Variants in KLHL36 observed in about 807,000 individuals in gnomAD.
KLHL36 encodes the protein kelch like family member 36, also known as kelch-like protein 36.
In KLHL36, 35 loss-of-function variants were observed where a neutral mutation model predicts 53.3. The ratio of observed to expected loss-of-function variants is 0.66; its 90% CI spans 0.50 to 0.87. KLHL36 has a LOEUF of 0.87. Among genes scored for constraint, KLHL36 ranks in the 40% least tolerant of loss-of-function variants. The pLI is 0.00. For missense variants in KLHL36, 864 were observed against 897.6 expected (o/e 0.96, Z 0.48); for synonymous variants, 472 against 398.9 (o/e 1.18, Z -2.18).
At chr16:84,651,802 A>G (rs973721524) in intron 2 of KLHL36, among the ~76,000 whole-genome samples, 2 of 152,170 alleles carry the variant, frequency 1.3e-5, no homozygotes, top group African/African-American at 4.8e-5. Context: ...CATACAGTGC[A>G]TCTGTGATGT....
intron 2 of KLHL36, 83 bp downstream of exon 2, chr16:84,651,013 A>G (rs1906843067): frequency 1.6e-6 from 2 of 1,212,936 alleles, no homozygotes; most frequent in Admixed American, 4.6e-5. Flanking sequence ...CTAATCACAG[A>G]CTGATTTTTT....
Position 84,661,436 on chromosome 16 carries a change from A to G in KLHL36, c.1296-142A>G, listed in dbSNP as rs1476303406. 3 of 790,394 alleles carry G rather than the reference A, an allele frequency of 3.8e-6. No individual in the cohort carries two copies. Among genetic ancestry groups the G allele is most frequent in the Admixed American group, 5.2e-5 (2 of 38,258 alleles). 49.0% of individuals were successfully genotyped at this position (790,394 alleles called of 1,614,324 possible). A position where few individuals can be genotyped will look rare whatever the true frequency, so the allele number is the denominator to read the frequency against. On this transcript the variant is annotated intron_variant, in intron 4 of 4. Coordinates refer to ENST00000564996, the MANE Select transcript of KLHL36 (RefSeq NM_024731.4). The surrounding 1 kb of genome is among the most constrained non-coding windows in gnomAD (Gnocchi z 7.9). ...TCTTTGCTAATGACGGCTACTGTCT[A>G]TAGAGTGTTCATGGGGTGCCCACTC...
At chr16:84,655,474 G>C (rs1038743898) in intron 2 of KLHL36, among the ~76,000 whole-genome samples, 1 of 152,124 alleles carries the variant, frequency 6.6e-6, no homozygotes, top group African/African-American at 2.4e-5. Context: ...TTACTCAGGA[G>C]GCTAAGGCGG....
rs1597209214 is a variant in KLHL36, at chr16:84,648,873, C to G, written c.-17+224C>G. On this transcript the variant is annotated intron_variant, in intron 1 of 4. Coordinates refer to ENST00000564996, the MANE Select transcript of KLHL36 (RefSeq NM_024731.4). The surrounding 1 kb of genome is among the most constrained non-coding windows in gnomAD (Gnocchi z 4.9). ...ACACAGGTGCGGCCTGTGCGGACCG[C>G]CCCGCGCGTGGCAGGTGAGTGGCCC... 1.3e-5 allele frequency: 2 copies of G among 151,592 alleles called. No homozygotes were observed. The highest frequency in any genetic ancestry group is 4.8e-5 in the African/African-American group (2 of 41,320). The allele number at this position is 151,592 out of a possible 1,614,324, so 9.4% of individuals were successfully genotyped here.
intron 2 of KLHL36, among the ~76,000 whole-genome samples, chr16:84,651,355 G>GGA (rs1362320449): frequency 6.6e-6 from 1 of 152,142 alleles, no homozygotes; most frequent in Non-Finnish European, 1.5e-5. Context: ...CCAAGGGCCT[G>GGA]GAGTCGTCTT....
intron 2 of KLHL36, among the ~76,000 whole-genome samples, chr16:84,656,281 T>G (rs1907193952): frequency 6.6e-6 from 1 of 151,020 alleles, no homozygotes; most frequent in South Asian, 2.1e-4. Flanking sequence ...TTGTTTTTTG[T>G]TTTTTGAGAC....
At position 84,665,755 on chromosome 16, in the gene KLHL36, G is replaced by C. The variant is rs1296676970; in HGVS notation, c.*3622G>C. ...TGAGGTCCAGGGGCCTACTTTGTGA[G>C]CTCAGTTGTGTTCACCTGTGGTTCA... On this transcript the variant is annotated 3_prime_UTR_variant, in exon 5 of 5. Coordinates refer to ENST00000564996, the MANE Select transcript of KLHL36 (RefSeq NM_024731.4). 6.6e-6 allele frequency: 1 copy of C among 152,262 alleles called. No homozygotes were observed. The highest frequency in any genetic ancestry group is 2.4e-5 in the African/African-American group (1 of 41,450). The allele number at this position is 152,262 out of a possible 1,614,324, so 9.4% of individuals were successfully genotyped here. A position where few individuals can be genotyped will look rare whatever the true frequency, so the allele number is the denominator to read the frequency against.
In KLHL36 at chr16:84,661,435, T is replaced by C. The variant is rs1907538779; in HGVS notation, c.1296-143T>C. On this transcript the variant is annotated intron_variant, in intron 4 of 4. Coordinates refer to ENST00000564996, the MANE Select transcript of KLHL36 (RefSeq NM_024731.4). This position sits in a 1 kb window ranked among gnomAD's most constrained non-coding sequence, Gnocchi z 7.9. Reference sequence around the variant, plus strand: ...TTCTTTGCTAATGACGGCTACTGTCTATAGAGTGTTCATGGGGTGCCCACT... The same window carrying C: ...TTCTTTGCTAATGACGGCTACTGTCCATAGAGTGTTCATGGGGTGCCCACT... 2.5e-6 allele frequency: 2 copies of C among 785,594 alleles called. No homozygotes were observed. The highest frequency in any genetic ancestry group is 4.0e-6 in the Non-Finnish European group (2 of 494,688). 48.7% of individuals were successfully genotyped at this position (785,594 alleles called of 1,614,324 possible).
rs1907774252 is a variant in KLHL36 at position 84,665,246 on chromosome 16, A to T, written c.*3113A>T. ...CTGCTTGAATTTTGAAGACACCTGG[A>T]TCTTTTTTTTTTTTTAACATTTCAA... On this transcript the variant is annotated 3_prime_UTR_variant, in exon 5 of 5. Coordinates refer to ENST00000564996, the MANE Select transcript of KLHL36 (RefSeq NM_024731.4). The T allele has an allele frequency of 1.1e-5, 1 of 91,740 alleles. No individual in the cohort carries two copies. Among genetic ancestry groups the T allele is most frequent in the African/African-American group, 4.6e-5 (1 of 21,896 alleles). 5.7% of individuals were successfully genotyped at this position (91,740 alleles called of 1,614,324 possible).
At position 84,665,360 on chromosome 16, in the gene KLHL36, G is replaced by T. The variant is rs1174783934; in HGVS notation, c.*3227G>T. Reference sequence around the variant, plus strand: ...AACTTCATATTAGTTGTAAGTTTGGGGTTTGGTCCTCACCCAAGTTGGAAA... The same window carrying T: ...AACTTCATATTAGTTGTAAGTTTGGTGTTTGGTCCTCACCCAAGTTGGAAA... On this transcript the variant is annotated 3_prime_UTR_variant, in exon 5 of 5. Coordinates refer to ENST00000564996, the MANE Select transcript of KLHL36 (RefSeq NM_024731.4). 1 of 151,998 alleles carries T rather than the reference G, an allele frequency of 6.6e-6. No homozygotes were observed. Among genetic ancestry groups the T allele is most frequent in the Non-Finnish European group, 1.5e-5 (1 of 68,016 alleles). The allele number at this position is 151,998 out of a possible 1,614,324, so 9.4% of individuals were successfully genotyped here.
chr16:84,649,849 G>T lies in KLHL36; in HGVS notation c.-16-1003G>T, dbSNP rs547562663. 2.0e-5 allele frequency among the ~76,000 whole-genome samples: 3 copies of T among 151,286 alleles called. No homozygotes were observed. In the South Asian group the frequency reaches 6.4e-4, roughly 32 times the overall value. On this transcript the variant is annotated intron_variant, in intron 1 of 4. Transcript: ENST00000564996. ...AACTCTTCTCATGAACTCAAATAGC[G>T]GGGGAAAAAAATCCTCTTTAAAACC...
In KLHL36 at chr16:84,667,172, G is replaced by C. The variant is rs1907888732; in HGVS notation, c.*5039G>C. ...GGGCAGAGCGGATAACCCCTTCCTT[G>C]TCTGTTTCCTTTGAGAAAGGACACT... On this transcript the variant is annotated 3_prime_UTR_variant, in exon 5 of 5. Coordinates refer to ENST00000564996, the MANE Select transcript of KLHL36 (RefSeq NM_024731.4). 6.6e-6 allele frequency: 1 copy of C among 152,044 alleles called. No homozygotes were observed. Among genetic ancestry groups the C allele is most frequent in the South Asian group, 2.1e-4 (1 of 4,822 alleles). The allele number at this position is 152,044 out of a possible 1,614,324, so 9.4% of individuals were successfully genotyped here. A position where few individuals can be genotyped will look rare whatever the true frequency, so the allele number is the denominator to read the frequency against.
chr16:84,656,862 T>A lies in KLHL36; in HGVS notation c.64-9T>A, dbSNP rs780214921. The A allele has an allele frequency of 5.0e-6, 8 of 1,594,412 alleles. No homozygotes were observed. Among genetic ancestry groups the A allele is most frequent in the Non-Finnish European group, 6.9e-6 (8 of 1,167,542 alleles). On this transcript the variant is annotated splice_polypyrimidine_tract_variant and intron_variant, in intron 2 of 4. Transcript: ENST00000564996. ...GCTGCGCCGTTTCTAATGTGTCTTC[T>A]CTGTCCAGGTATACCGCTGGGCCGA...
chr16:84,650,558 T>C (rs1298070824), intron 1 of KLHL36, among the ~76,000 whole-genome samples: 1 of 152,162 alleles, frequency 6.6e-6, no homozygotes, highest in Non-Finnish European at 1.5e-5. Flanking sequence ...TGATAACTTA[T>C]CATTATAACC....
Position 84,661,664 on chromosome 16 carries a change from A to G in KLHL36, c.1382A>G (p.Lys461Arg), listed in dbSNP as rs1391089120. ...GACTACCAAATTGGCCCCTACCGCA[A>G]GAACCTGCTATGCTACGACCACCGG... ...GHDYQIGPYR[K>R]NLLCYDHRTD... The change falls in exon 5 of 5, where the codon AAG (lysine) becomes AGG (arginine). Residue 461 changes from lysine to arginine, a missense_variant. By Grantham distance (26) the Lys-to-Arg change is conservative. Coordinates refer to ENST00000564996, the MANE Select transcript of KLHL36 (RefSeq NM_024731.4). The surrounding 1 kb of genome is among the most constrained non-coding windows in gnomAD (Gnocchi z 7.9). 5 of 1,613,334 alleles carry G rather than the reference A, an allele frequency of 3.1e-6. No homozygotes were observed. The highest frequency in any genetic ancestry group is 4.2e-6 in the Non-Finnish European group (5 of 1,179,866).
rs112013799 is a variant in KLHL36 at position 84,661,387 on chromosome 16, A to G, written c.1296-191A>G. ...AGGCGGCCTGACTGCAAAGCTGTCC[A>G]CTTCCCCGCCCTGCCCTGCCATTTC... On this transcript the variant is annotated intron_variant, in intron 4 of 4. Coordinates refer to ENST00000564996, the MANE Select transcript of KLHL36 (RefSeq NM_024731.4). The surrounding 1 kb of genome is among the most constrained non-coding windows in gnomAD (Gnocchi z 7.9). 0.019 allele frequency among the ~76,000 whole-genome samples: 2,857 copies of G among 152,260 alleles called. 94 individuals carry two copies. The highest frequency in any genetic ancestry group is 0.065 in the African/African-American group (2,690 of 41,546).
At chr16:84,653,078 C>T (rs563019585) in intron 2 of KLHL36, among the ~76,000 whole-genome samples, 101 of 152,226 alleles carry the variant, frequency 6.6e-4, no homozygotes, top group African/African-American at 2.3e-3. Context: ...TTAGCCGAGC[C>T]TGGTGGCATA....
rs925157924 is a variant in KLHL36 at position 84,661,660 on chromosome 16, C to T, written c.1378C>T (p.Arg460Cys). The T allele has an allele frequency of 3.7e-6, 6 of 1,613,398 alleles. No individual in the cohort carries two copies. The highest frequency in any genetic ancestry group is 5.1e-6 in the Non-Finnish European group (6 of 1,179,890). The change falls in exon 5 of 5, where the codon CGC becomes TGC. Residue 460 changes from arginine to cysteine, a missense_variant. Arg to Cys is a radical substitution (Grantham distance 180). Coordinates refer to ENST00000564996, the MANE Select transcript of KLHL36 (RefSeq NM_024731.4). The surrounding 1 kb of genome is among the most constrained non-coding windows in gnomAD (Gnocchi z 7.9). The part of the protein sequence containing the change: ...GGHDYQIGPY[R>C]KNLLCYDHRT... ...CCACGACTACCAAATTGGCCCCTAC[C>T]GCAAGAACCTGCTATGCTACGACCA... is the stretch of plus-strand genomic sequence containing the variant.
At chr16:84,650,187 A>G (rs760213527) in intron 1 of KLHL36, among the ~76,000 whole-genome samples, 18 of 152,012 alleles carry the variant, frequency 1.2e-4, no homozygotes, top group Non-Finnish European at 1.6e-4. Context: ...TGCAGTGGGG[A>G]CTAAGTGAAG....
Sources: gnomAD v4.1 joint callset for allele counts (sites outside exome capture counted in the v4.1 genomes callset) on GRCh38, gnomAD v4.1.1 for gene constraint, Gnocchi (gnomAD v3.1) non-coding constraint, MANE v1.5 for transcripts, NCBI Gene and HGNC (gene_info 2026-07-23, HGNC 2026-07-21) for gene names.